STX8: variants seen among roughly 807,000 people sequenced by gnomAD.
STX8 encodes the protein syntaxin 8.
A neutral mutation model predicts 37.5 loss-of-function variants in STX8; 23 were observed. That is an observed-to-expected ratio of 0.61 (90% CI 0.44 to 0.87). The LOEUF (loss-of-function observed/expected upper bound fraction) is 0.87, where lower values mean the gene tolerates loss of function less well. Among genes scored for constraint, STX8 ranks in the 40% least tolerant of loss-of-function variants. The pLI is 0.00. For synonymous variants in STX8, 115 were observed against 99.1 expected (o/e 1.16, Z -0.95); for missense variants, 313 against 284.7 (o/e 1.10, Z -0.71).
intron 6 of STX8, among the ~76,000 whole-genome samples, chr17:9,448,512 C>T (rs1043921794): frequency 3.3e-5 from 5 of 152,192 alleles, no homozygotes; most frequent in Non-Finnish European, 7.3e-5. Context: ...TGCCGTTTGG[C>T]GTTCCTAAGC....
intron 7 of STX8, among the ~76,000 whole-genome samples, chr17:9,335,790 A>T (rs775978071): frequency 4.0e-5 from 6 of 151,008 alleles, no homozygotes; most frequent in Non-Finnish European, 8.8e-5. Context: ...CAACCATGGC[A>T]TTCAAGGTGG....
At chr17:9,257,253 T>C (rs1906835029) in intron 7 of STX8, among the ~76,000 whole-genome samples, 1 of 152,174 alleles carries the variant, frequency 6.6e-6, no homozygotes, top group African/African-American at 2.4e-5. Context: ...AAAAAAGATG[T>C]AAGAAAACAA....
intron 7 of STX8, among the ~76,000 whole-genome samples, chr17:9,326,988 T>C (rs189429285): frequency 1.3e-5 from 2 of 151,824 alleles, no homozygotes; most frequent in African/African-American, 4.8e-5. Flanking sequence ...AGAAACCTCA[T>C]CTCTACTAAA....
chr17:9,264,921 C>G (rs1315626808), intron 7 of STX8, among the ~76,000 whole-genome samples: 1 of 151,662 alleles, frequency 6.6e-6, no homozygotes, highest in African/African-American at 2.4e-5. Context: ...TGAGACCAGC[C>G]TAGGCTCCAT....
intron 6 of STX8, among the ~76,000 whole-genome samples, chr17:9,466,813 A>G (rs534289320): frequency 6.6e-6 from 1 of 152,338 alleles, no homozygotes; most frequent in Non-Finnish European, 1.5e-5. Context: ...CCTCCGAAGC[A>G]TGAGGCATTC....
intron 6 of STX8, among the ~76,000 whole-genome samples, chr17:9,472,619 T>C (rs1252346792): frequency 3.3e-5 from 5 of 152,228 alleles, no homozygotes; most frequent in Admixed American, 6.5e-5. Flanking sequence ...GCCTCTCTTT[T>C]TGGCTTGCTT....
chr17:9,570,449 C>T (rs1907645403), intron 1 of STX8, among the ~76,000 whole-genome samples: 1 of 151,868 alleles, frequency 6.6e-6, no homozygotes, highest in Non-Finnish European at 1.5e-5. Flanking sequence ...TCATATATAT[C>T]ACTGATACAT....
intron 7 of STX8, among the ~76,000 whole-genome samples, chr17:9,309,499 G>T (rs1177202542): frequency 2.0e-5 from 3 of 152,108 alleles, no homozygotes; most frequent in African/African-American, 7.2e-5. Context: ...TGGGGAAAAA[G>T]TCACACTCGG....
At chr17:9,542,904 G>A (rs1268533746) in intron 4 of STX8, among the ~76,000 whole-genome samples, 1 of 152,054 alleles carries the variant, frequency 6.6e-6, no homozygotes, top group East Asian at 1.9e-4. Context: ...ACACAGAGAT[G>A]ATCAGAGAAG....
chr17:9,427,557 C>T (rs1336292848), intron 6 of STX8, among the ~76,000 whole-genome samples: 1 of 152,140 alleles, frequency 6.6e-6, no homozygotes, highest in East Asian at 1.9e-4. Context: ...GTAACCAGAG[C>T]ACTAACCAAA....
intron 7 of STX8, among the ~76,000 whole-genome samples, chr17:9,366,638 A>G (rs1911239630): frequency 6.6e-6 from 1 of 152,192 alleles, no homozygotes; most frequent in African/African-American, 2.4e-5. Context: ...ACTATATACA[A>G]ACAAAAATCT....
chr17:9,355,939 A>T (rs372589850), intron 7 of STX8, among the ~76,000 whole-genome samples: 1 of 152,192 alleles, frequency 6.6e-6, no homozygotes, highest in Non-Finnish European at 1.5e-5. Context: ...GGCAAAAGCC[A>T]CCAGGCCCAG....
intron 7 of STX8, chr17:9,283,097 A>T (rs1907947568): frequency 6.8e-6 from 1 of 147,232 alleles, no homozygotes; most frequent in Admixed American, 6.9e-5. Flanking sequence ...TATTCTTGAT[A>T]GGAAAAACAG....
At chr17:9,399,457 T>C (rs1333139521) in intron 6 of STX8, among the ~76,000 whole-genome samples, 4 of 152,184 alleles carry the variant, frequency 2.6e-5, no homozygotes, top group Non-Finnish European at 4.4e-5. Context: ...ACCTGTCTGA[T>C]TCTGGCAGCT....
chr17:9,543,567 A>T (rs1431984924), intron 4 of STX8, among the ~76,000 whole-genome samples: 1 of 152,162 alleles, frequency 6.6e-6, no homozygotes, highest in Non-Finnish European at 1.5e-5. Flanking sequence ...GGCCTCCCAA[A>T]GTGCTAGGCT....
At chr17:9,352,186 T>C (rs938143173) in intron 7 of STX8, among the ~76,000 whole-genome samples, 1 of 150,878 alleles carries the variant, frequency 6.6e-6, no homozygotes, top group African/African-American at 2.4e-5. Context: ...AAAAAAAAAC[T>C]TGGGGCTTCA....
chr17:9,563,763 T>C (rs1938037285), intron 2 of STX8, among the ~76,000 whole-genome samples: 1 of 151,490 alleles, frequency 6.6e-6, no homozygotes, highest in Non-Finnish European at 1.5e-5. Context: ...AAAAAGCAAC[T>C]CCTGAAAATG....
intron 3 of STX8, among the ~76,000 whole-genome samples, chr17:9,545,875 C>T (rs898869802): frequency 1.3e-5 from 2 of 152,194 alleles, no homozygotes; most frequent in Non-Finnish European, 2.9e-5. Flanking sequence ...AGTCACCACG[C>T]CCAGCCCCAG....
intron 7 of STX8, among the ~76,000 whole-genome samples, chr17:9,324,972 GAT>G (rs1201815913): frequency 6.6e-6 from 1 of 152,112 alleles, no homozygotes; most frequent in African/African-American, 2.4e-5. Context: ...CTGGGCTAGT[GAT>G]ATGTGGTATA....
Sources: allele counts gnomAD v4.1 joint callset (sites outside exome capture counted in the v4.1 genomes callset), GRCh38; gene constraint gnomAD v4.1.1; transcripts MANE v1.5; gene names NCBI Gene and HGNC (gene_info 2026-07-23, HGNC 2026-07-21).